Variants in RPS20 observed in about 807,000 individuals in gnomAD.
The protein encoded by RPS20 is ribosomal protein S20.
Under a neutral mutation model 15.3 loss-of-function variants are expected in RPS20, and 3 were observed. That is an observed-to-expected ratio of 0.20 (90% CI 0.09 to 0.51). RPS20 has a LOEUF of 0.51. RPS20 is among the 20% of genes least tolerant of loss of function. The pLI is 0.96. For synonymous variants in RPS20, 62 were observed against 47.8 expected (o/e 1.30, Z -1.23); for missense variants, 67 against 145.9 (o/e 0.46, Z 2.79).
downstream of RPS20, chr8:56,069,582 A>G (rs1433952867): frequency 4.1e-6 from 3 of 729,000 alleles, no homozygotes; most frequent in Non-Finnish European, 7.0e-6. Flanking sequence ...TACAGGTGTG[A>G]GCCACCCCGC....
At chr8:56,069,817 T>A (rs1437104768), downstream of RPS20, 10 of 1,517,672 alleles carry the variant, frequency 6.6e-6, no homozygotes, top group Non-Finnish European at 9.0e-6. Flanking sequence ...GGGTTCTGCA[T>A]CTGTAGATTC....
At chr8:56,072,546 C>T (rs1424307050), downstream of RPS20, among the ~76,000 whole-genome samples, 9 of 146,102 alleles carry the variant, frequency 6.2e-5, no homozygotes, top group South Asian at 4.3e-4. Context: ...AGCAAAACGC[C>T]GTCCCCCCCC....
chr8:56,070,089 CAG>C (rs770057619), downstream of RPS20, among the ~76,000 whole-genome samples: 2 of 152,168 alleles, frequency 1.3e-5, no homozygotes, highest in Non-Finnish European at 2.9e-5. Context: ...TGATCCCCCA[CAG>C]ATACTTAGGA....
chr8:56,073,505 G>C, intron 3 of RPS20, 190 bp downstream of exon 3: 2 of 648,528 alleles, frequency 3.1e-6, no homozygotes, highest in Non-Finnish European at 5.5e-6. Context: ...CAAGAACACA[G>C]CAACAATAAT....
At chr8:56,069,635 T>C, downstream of RPS20, 3 of 1,048,296 alleles carry the variant, frequency 2.9e-6, no homozygotes, top group Non-Finnish European at 4.3e-6. Flanking sequence ...AAATTTCATT[T>C]GCATCCACTG....
At chr8:56,067,669 G>C (rs1035582200) in exon 6 of RPS20, 3 of 149,264 alleles carry the variant, frequency 2.0e-5, no homozygotes, top group Non-Finnish European at 4.4e-5. Flanking sequence ...CTGGGCGACA[G>C]AGCGAGACTC....
chr8:56,071,444 G>A (rs542251553), downstream of RPS20, among the ~76,000 whole-genome samples: 2 of 152,310 alleles, frequency 1.3e-5, no homozygotes, highest in African/African-American at 4.8e-5. Context: ...ATTTAGCAAT[G>A]TGGCATAATT....
chr8:56,072,766 T>C, downstream of RPS20: 2 of 604,526 alleles, frequency 3.3e-6, no homozygotes, highest in Non-Finnish European at 4.1e-6. Flanking sequence ...CACTAGGTTC[T>C]CAACCATGGG....
exon 6 of RPS20, chr8:56,067,971 A>G (rs1809655369): frequency 6.6e-6 from 1 of 152,076 alleles, no homozygotes; most frequent in African/African-American, 2.4e-5. Context: ...AATTAATGCT[A>G]CAGAACTGTT....
rs1585724248 is a variant in RPS20 at position 56,074,055 on chromosome 8, C to T, written c.103+5G>A. ...CCCTCCCCCCCGCATAACGAATGCA[C>T]TGACCCTTTTCCAAGGATTTTACGT... is the stretch of plus-strand genomic sequence containing the variant. On this transcript the variant is annotated splice_donor_5th_base_variant and intron_variant, in intron 2 of 3. Transcript: ENST00000009589. 6.2e-7 allele frequency: 1 copy of T among 1,610,506 alleles called. No individual in the cohort carries two copies. Among genetic ancestry groups the T allele is most frequent in the Non-Finnish European group, 8.5e-7 (1 of 1,176,928 alleles).
At chr8:56,068,807 C>CTTTTTTTTTTTTTTT (rs61576194), downstream of RPS20, among the ~76,000 whole-genome samples, 12 of 27,690 alleles carry the variant, frequency 4.3e-4, 5 homozygotes, top group Admixed American at 6.2e-4. Context: ...GTGAAAATAT[C>CTTTTTTTTTTTTTTT]TTTTTTTTTT....
chr8:56,074,470 A>G lies in RPS20; in HGVS notation c.-87T>C. On this transcript the variant is annotated 5_prime_UTR_variant, in exon 1 of 4. Coordinates refer to ENST00000009589, the MANE Select transcript of RPS20 (RefSeq NM_001023.4). Reference sequence around the variant, plus strand: ...CAGGAGCAGGAGCGTGCGGACCAAAAATCCTCAGCCCTTACGACCGCGTCT... The same window carrying G: ...CAGGAGCAGGAGCGTGCGGACCAAAGATCCTCAGCCCTTACGACCGCGTCT... 2.1e-6 allele frequency: 3 copies of G among 1,452,324 alleles called. No homozygotes were observed. Among genetic ancestry groups the G allele is most frequent in the South Asian group, 1.2e-5 (1 of 81,620 alleles). The allele number at this position is 1,452,324 out of a possible 1,614,324, so 90.0% of individuals were successfully genotyped here.
chr8:56,069,240 T>C (rs1809688127), downstream of RPS20, among the ~76,000 whole-genome samples: 1 of 148,400 alleles, frequency 6.7e-6, no homozygotes, highest in South Asian at 2.1e-4. Flanking sequence ...CTGACTTACT[T>C]TTTCCTTTAT....
intron 1 of RPS20, 98 bp downstream of exon 1, chr8:56,074,283 C>T (rs781359708): frequency 5.9e-6 from 9 of 1,534,506 alleles, no homozygotes; most frequent in Middle Eastern, 1.7e-4. Context: ...CGCCCCTACA[C>T]GCCCCGGCAT....
At chr8:56,072,904 G>T (rs899267183), downstream of RPS20, 4 of 1,344,690 alleles carry the variant, frequency 3.0e-6, no homozygotes, top group Non-Finnish European at 3.8e-6. Flanking sequence ...TGTAGTTAAC[G>T]GAATCCAGTT....
chr8:56,069,710 G>A (rs1563345991), downstream of RPS20: 1 of 1,549,024 alleles, frequency 6.5e-7, no homozygotes, highest in Non-Finnish European at 8.7e-7. Context: ...TACCTGCTTG[G>A]TCACTTTTTT....
rs145003492 is a variant in RPS20 at position 56,073,521 on chromosome 8, A to G, written c.177+174T>C. ...AAGAACACAGCAACAATAATTCAAC[A>G]ATCATATCTAAACATTAGCTACTTA... On this transcript the variant is annotated intron_variant, in intron 3 of 3. Coordinates refer to ENST00000009589, the MANE Select transcript of RPS20 (RefSeq NM_001023.4). 81 of 659,248 alleles carry G rather than the reference A, an allele frequency of 1.2e-4. No homozygotes were observed. The African/African-American group carries it at 1.3e-3, about 11-fold the overall frequency. 40.8% of individuals were successfully genotyped at this position (659,248 alleles called of 1,614,324 possible).
chr8:56,070,450 T>C (rs1437256974), downstream of RPS20, among the ~76,000 whole-genome samples: 5 of 152,122 alleles, frequency 3.3e-5, no homozygotes, highest in African/African-American at 9.7e-5. Flanking sequence ...AGAAATCTAA[T>C]CCAGTCTGGG....
chr8:56,074,242 G>GC, intron 1 of RPS20, 83 bp from the exon 2 acceptor site: 1 of 1,522,414 alleles, frequency 6.6e-7, no homozygotes, highest in Non-Finnish European at 9.0e-7. Context: ...GAAGCTTCCC[G>GC]CGTTTCCCCA....
Sources: allele counts gnomAD v4.1 joint callset (sites outside exome capture counted in the v4.1 genomes callset), GRCh38; gene constraint gnomAD v4.1.1; transcripts MANE v1.5; gene names NCBI Gene and HGNC (gene_info 2026-07-23, HGNC 2026-07-21).